Variants in PLXNA4 observed in about 807,000 individuals in gnomAD.
PLXNA4 encodes plexin A4.
A neutral mutation model predicts 191.8 loss-of-function variants in PLXNA4; 44 were observed. The observed-to-expected ratio is 0.23, with a 90% CI of 0.18 to 0.29. The LOEUF (loss-of-function observed/expected upper bound fraction) is 0.29, where lower values mean the gene tolerates loss of function less well. Ranked by LOEUF, PLXNA4 falls within the 10% of genes least tolerant of loss-of-function variation. The pLI, the probability that PLXNA4 is intolerant of heterozygous loss-of-function variation, is 1.00. For missense variants in PLXNA4, 1,800 were observed against 2,488.8 expected (o/e 0.72, Z 5.89); for synonymous variants, 1,082 against 1,009.5 (o/e 1.07, Z -1.36).
At chr7:132,443,339 A>T (rs1795768894) in intron 3 of PLXNA4, among the ~76,000 whole-genome samples, 1 of 152,120 alleles carries the variant, frequency 6.6e-6, no homozygotes, top group African/African-American at 2.4e-5. Flanking sequence ...CTGGTTCCAA[A>T]ATCCCAAGCC....
intron 30 of PLXNA4, among the ~76,000 whole-genome samples, chr7:132,135,505 G>T (rs1406091397): frequency 6.6e-6 from 1 of 152,154 alleles, no homozygotes; most frequent in Non-Finnish European, 1.5e-5. Flanking sequence ...AGTCCCCGAG[G>T]TGTAAGGAAT....
chr7:132,351,458 C>T (rs1803481631), intron 3 of PLXNA4, among the ~76,000 whole-genome samples: 1 of 152,180 alleles, frequency 6.6e-6, no homozygotes, highest in South Asian at 2.1e-4. Context: ...AAGACTTGCC[C>T]ATGGCTGGCC....
intron 4 of PLXNA4, among the ~76,000 whole-genome samples, chr7:132,259,674 G>T (rs1799566783): frequency 1.3e-5 from 2 of 151,994 alleles, no homozygotes; most frequent in Admixed American, 6.6e-5. Flanking sequence ...CCTGCACACA[G>T]ATGTTTATAG....
intron 3 of PLXNA4, among the ~76,000 whole-genome samples, chr7:132,327,173 A>AAG (rs1802407086): frequency 7.5e-6 from 1 of 133,858 alleles, no homozygotes; most frequent in African/African-American, 2.7e-5. Context: ...GGAAGGCAAA[A>AAG]AAAAAAGAAA....
chr7:132,172,452 A>T (rs935468519), intron 21 of PLXNA4, among the ~76,000 whole-genome samples: 3 of 152,166 alleles, frequency 2.0e-5, no homozygotes, highest in African/African-American at 7.2e-5. Context: ...CTCCTTCTTC[A>T]CACTTCCAGA....
intron 1 of PLXNA4, among the ~76,000 whole-genome samples, chr7:132,555,661 C>A (rs1209017384): frequency 1.3e-5 from 2 of 152,236 alleles, no homozygotes; most frequent in African/African-American, 4.8e-5. Context: ...AGACAGGTAA[C>A]ATGCTGACGC....
At chr7:132,540,188 G>T (rs114600554) in intron 1 of PLXNA4, among the ~76,000 whole-genome samples, 3 of 151,886 alleles carry the variant, frequency 2.0e-5, no homozygotes, top group African/African-American at 7.3e-5. Context: ...CCAGAGTTTC[G>T]GAGCTATCCA....
chr7:132,136,925 A>G lies in PLXNA4; in HGVS notation c.5438+3674T>C, dbSNP rs376131651. ...GGAGGGTCTCTCTGGGCCCAGCAGA[A>G]CGAGGCCCCACACCCTGACTTCCCC... On this transcript the variant is annotated intron_variant, in intron 30 of 31. Coordinates refer to ENST00000321063, the MANE Select transcript of PLXNA4 (RefSeq NM_020911.2). 7.2e-5 allele frequency among the ~76,000 whole-genome samples: 11 copies of G among 152,148 alleles called. No individual in the cohort carries two copies. In the East Asian group the frequency reaches 7.7e-4, roughly 11 times the overall value.
intron 1 of PLXNA4, among the ~76,000 whole-genome samples, chr7:132,520,713 A>G (rs1799140626): frequency 1.3e-5 from 2 of 152,096 alleles, no homozygotes; most frequent in South Asian, 4.1e-4. Context: ...AGATCCTTGG[A>G]CCTCAGCATC....
In PLXNA4 at chr7:132,225,623, C is replaced by CG. The variant is rs386411341; in HGVS notation, c.1982+537_1982+538insC. Among the ~76,000 whole-genome samples, 209 of 151,450 alleles carry CG rather than the reference C, an allele frequency of 1.4e-3. 2 individuals carry two copies. The East Asian group carries it at 0.019, about 14-fold the overall frequency. Reference sequence around the variant, plus strand: ...ACCCCTAAGCCAGAGTCCGCCCCCCCCCACAGCTTTCTGCCTCCCTCTGGC... The same window carrying CG: ...ACCCCTAAGCCAGAGTCCGCCCCCCCGCCACAGCTTTCTGCCTCCCTCTGGC... On this transcript the variant is annotated intron_variant, in intron 8 of 31. Coordinates refer to ENST00000321063, the MANE Select transcript of PLXNA4 (RefSeq NM_020911.2).
rs567130532 is a variant in PLXNA4, at chr7:132,315,499, T to C, written c.1372-17277A>G. Among the ~76,000 whole-genome samples, 13 of 152,354 alleles carry C rather than the reference T, an allele frequency of 8.5e-5. No homozygotes were observed. In the South Asian group the frequency reaches 2.5e-3, roughly 29 times the overall value. On this transcript the variant is annotated intron_variant, in intron 3 of 31. Coordinates refer to ENST00000321063, the MANE Select transcript of PLXNA4 (RefSeq NM_020911.2). Reference sequence around the variant, plus strand: ...GAAGGAGGATGATTATTTGTACTCATGTTGTATCTATGAACAAACTAAGAC... The same window carrying C: ...GAAGGAGGATGATTATTTGTACTCACGTTGTATCTATGAACAAACTAAGAC...
At chr7:132,534,636 G>C (rs1799759886) in intron 1 of PLXNA4, among the ~76,000 whole-genome samples, 1 of 152,224 alleles carries the variant, frequency 6.6e-6, no homozygotes, top group Admixed American at 6.5e-5. Context: ...ACACTGGGTT[G>C]GCTGGCACTC....
chr7:132,504,100 C>A (rs1199173346), intron 2 of PLXNA4, among the ~76,000 whole-genome samples: 1 of 152,234 alleles, frequency 6.6e-6, no homozygotes, highest in African/African-American at 2.4e-5. Flanking sequence ...CCACTCCTGG[C>A]CAACCAGCCC....
At chr7:132,538,361 T>C (rs540573683) in intron 1 of PLXNA4, among the ~76,000 whole-genome samples, 1 of 152,264 alleles carries the variant, frequency 6.6e-6, no homozygotes, top group South Asian at 2.1e-4. Flanking sequence ...GCCTGGAGCA[T>C]CACCAGCTTC....
At chr7:132,292,256 G>A (rs1800921403) in intron 4 of PLXNA4, among the ~76,000 whole-genome samples, 1 of 152,180 alleles carries the variant, frequency 6.6e-6, no homozygotes, top group Admixed American at 6.5e-5. Flanking sequence ...GTGTCCCCCA[G>A]TGTGGTATCA....
chr7:132,344,066 C>T (rs1213592715), intron 3 of PLXNA4, among the ~76,000 whole-genome samples: 2 of 152,198 alleles, frequency 1.3e-5, no homozygotes, highest in Non-Finnish European at 2.9e-5. Flanking sequence ...CAATGGCCAA[C>T]TTGAATTACT....
chr7:132,485,402 TC>T (rs1272772666), intron 3 of PLXNA4, among the ~76,000 whole-genome samples: 1 of 152,124 alleles, frequency 6.6e-6, no homozygotes, highest in Non-Finnish European at 1.5e-5. Flanking sequence ...TGAACATTAG[TC>T]TCTCCCACTA....
rs551774313 is a variant in PLXNA4, at chr7:132,314,739, T to TA, written c.1372-16518_1372-16517insT. ...GCACGCTGGAGTTCACTAACTGGAC[T>TA]TCCAGCCACTTTACTTCCCATCCTC... On this transcript the variant is annotated intron_variant, in intron 3 of 31. Transcript: ENST00000321063. 3.6e-4 allele frequency among the ~76,000 whole-genome samples: 55 copies of TA among 152,352 alleles called. No homozygotes were observed. In the South Asian group the frequency reaches 9.5e-3, roughly 26 times the overall value.
chr7:132,442,917 G>T (rs1253597475), intron 3 of PLXNA4, among the ~76,000 whole-genome samples: 1 of 152,212 alleles, frequency 6.6e-6, no homozygotes, highest in Non-Finnish European at 1.5e-5. Context: ...AAGGCTGGCT[G>T]GCGTTTGATG....
Sources: gnomAD v4.1 joint callset for allele counts (sites outside exome capture counted in the v4.1 genomes callset) on GRCh38, gnomAD v4.1.1 for gene constraint, MANE v1.5 for transcripts, NCBI Gene and HGNC (gene_info 2026-07-23, HGNC 2026-07-21) for gene names.